The following ABCB5 variants were observed in gnomAD, a reference collection of about 807,000 sequenced individuals.
ABCB5 encodes ATP binding cassette subfamily B member 5, also known as ATP-binding cassette sub-family B member 5.
A neutral mutation model predicts 144.2 loss-of-function variants in ABCB5; 155 were observed. The observed-to-expected ratio is 1.08, with a 90% CI of 0.94 to 1.23. The LOEUF (loss-of-function observed/expected upper bound fraction) is 1.23, where lower values mean the gene tolerates loss of function less well. Among genes scored for constraint, ABCB5 ranks in the 50% most tolerant of loss-of-function variants. ABCB5 has a pLI of 0.00. For synonymous variants in ABCB5, 610 were observed against 528.6 expected (o/e 1.15, Z -2.11); for missense variants, 1,830 against 1,520.8 (o/e 1.20, Z -3.38).
chr7:20,701,872 A>C (rs1486958588), intron 19 of ABCB5, among the ~76,000 whole-genome samples: 1 of 152,238 alleles, frequency 6.6e-6, no homozygotes, highest in East Asian at 1.9e-4. Context: ...GAGAAAAAGA[A>C]GACTAGTATA....
At chr7:20,680,354 C>T (rs530162504) in intron 14 of ABCB5, among the ~76,000 whole-genome samples, 85 of 152,052 alleles carry the variant, frequency 5.6e-4, no homozygotes, top group African/African-American at 1.9e-3. Flanking sequence ...GTCAGGAGAT[C>T]GAGACCATCC....
At chr7:20,728,574 T>TA (rs748062949) in intron 23 of ABCB5, 119 bp downstream of exon 23, 9 of 1,165,384 alleles carry the variant, frequency 7.7e-6, no homozygotes, top group Admixed American at 3.0e-5. Flanking sequence ...ACCAACATAA[T>TA]AAAACCCCAT....
rs76898363 is a variant in ABCB5, at chr7:20,637,465, G to A, written c.314+5352G>A. Among the ~76,000 whole-genome samples the A allele has an allele frequency of 4.7e-5, 7 of 150,122 alleles. No individual in the cohort carries two copies. In the East Asian group the frequency reaches 7.8e-4, roughly 17 times the overall value. ...ATGGAGTTTTTGCTCTTGTTTCCCAGGCTGGAGTGCAATGGCATGATCTTG... is the reference window on the plus strand; with the variant it reads ...ATGGAGTTTTTGCTCTTGTTTCCCAAGCTGGAGTGCAATGGCATGATCTTG... On this transcript the variant is annotated intron_variant, in intron 5 of 27. Coordinates refer to ENST00000404938, the MANE Select transcript of ABCB5 (RefSeq NM_001163941.2).
At chr7:20,664,723 A>G (rs900219125) in intron 14 of ABCB5, among the ~76,000 whole-genome samples, 2 of 128,046 alleles carry the variant, frequency 1.6e-5, no homozygotes, top group Non-Finnish European at 3.3e-5. Context: ...TACTCTTCTT[A>G]CCCACCATTT....
intron 14 of ABCB5, among the ~76,000 whole-genome samples, chr7:20,669,213 C>T (rs1434933571): frequency 1.4e-5 from 2 of 145,148 alleles, no homozygotes; most frequent in African/African-American, 2.6e-5. Context: ...GCCACGACCC[C>T]GTCTGGGAGG....
Position 20,755,508 on chromosome 7 carries a change from G to C in ABCB5, c.3658G>C (p.Ala1220Pro), listed in dbSNP as rs575837361. The C allele has an allele frequency of 1.2e-5, 20 of 1,614,006 alleles. No individual in the cohort carries two copies. The highest frequency in any genetic ancestry group is 8.0e-5 in the African/African-American group (6 of 74,906). ...VTHRLSAIQN[A>P]DLIVVLHNGK... Reference sequence around the variant, plus strand: ...TCACAGGCTCTCTGCAATTCAGAACGCAGATTTGATAGTGGTTCTGCACAA... The same window carrying C: ...TCACAGGCTCTCTGCAATTCAGAACCCAGATTTGATAGTGGTTCTGCACAA... Residue 1220 changes from alanine to proline, a missense_variant, in exon 28 of 28, where the codon GCA (alanine) becomes CCA (proline). Transcript: ENST00000404938.
At chr7:20,731,369 A>AAAAAAAAAAATATATAT (rs57305244) in intron 23 of ABCB5, among the ~76,000 whole-genome samples, 2 of 123,102 alleles carry the variant, frequency 1.6e-5, no homozygotes, top group African/African-American at 6.6e-5. Flanking sequence ...AAAAAAAAAA[A>AAAAAAAAAAATATATAT]ATATATATAT....
intron 20 of ABCB5, among the ~76,000 whole-genome samples, chr7:20,718,959 T>C (rs1299583920): frequency 6.6e-6 from 1 of 152,192 alleles, no homozygotes; most frequent in Non-Finnish European, 1.5e-5. Context: ...ATTACATCTT[T>C]ATTTTTAATA....
At chr7:20,744,114 G>C (rs1266534645) in intron 25 of ABCB5, among the ~76,000 whole-genome samples, 2 of 152,068 alleles carry the variant, frequency 1.3e-5, no homozygotes, top group Non-Finnish European at 2.9e-5. Flanking sequence ...GCCCAGGCTG[G>C]AGTACAGTGG....
chr7:20,615,858 T>C lies in ABCB5; in HGVS notation c.-22+21T>C, dbSNP rs577167485. 3.3e-5 allele frequency: 5 copies of C among 152,388 alleles called. No individual in the cohort carries two copies. In the Middle Eastern group the frequency reaches 0.014, roughly 415 times the overall value. The allele number at this position is 152,388 out of a possible 1,614,324, so 9.4% of individuals were successfully genotyped here. On this transcript the variant is annotated intron_variant, in intron 1 of 27. Coordinates refer to ENST00000404938, the MANE Select transcript of ABCB5 (RefSeq NM_001163941.2). ...TTAAAGTAAGTCAAAGCAAAAGTAT[T>C]AGAGATTATGAAAACAATTGAAGCT... is the stretch of plus-strand genomic sequence containing the variant.
Position 20,685,808 on chromosome 7 carries a change from A to T in ABCB5, c.1982A>T (p.Lys661Met). The T allele has an allele frequency of 6.2e-7, 1 of 1,612,160 alleles. No homozygotes were observed. Among genetic ancestry groups the T allele is most frequent in the South Asian group, 1.1e-5 (1 of 90,308 alleles). The change falls in exon 16 of 28, where the codon AAG becomes ATG. Residue 661 changes from lysine (K) to methionine (M), a missense_variant. By Grantham distance (95) the Lys-to-Met change is moderately conservative. Coordinates refer to ENST00000404938, the MANE Select transcript of ABCB5 (RefSeq NM_001163941.2). ...AGCATCAAGTCAGACTTCATTGACA[A>T]GGCTGAGGAATCCACCCAATCTAAA... ...VKSIKSDFID[K>M]AEESTQSKEI...
At chr7:20,727,746 C>G (rs1782082084) in intron 22 of ABCB5, among the ~76,000 whole-genome samples, 1 of 152,162 alleles carries the variant, frequency 6.6e-6, no homozygotes, top group Non-Finnish European at 1.5e-5. Flanking sequence ...GAGCTCGGCC[C>G]TTTACATTAA....
chr7:20,720,614 C>T (rs565554200), intron 20 of ABCB5, among the ~76,000 whole-genome samples: 12 of 152,092 alleles, frequency 7.9e-5, no homozygotes, highest in African/African-American at 2.4e-4. Context: ...ATATCTGGCT[C>T]GCGATCTTCA....
At position 20,664,889 on chromosome 7, in the gene ABCB5, A is replaced by G. The variant is rs188494081; in HGVS notation, c.1707+6213A>G. 2.0e-3 allele frequency among the ~76,000 whole-genome samples: 311 copies of G among 152,330 alleles called. 2 individuals carry two copies. The highest frequency in any genetic ancestry group is 7.1e-3 in the African/African-American group (294 of 41,574). On this transcript the variant is annotated intron_variant, in intron 14 of 27. Transcript: ENST00000404938. ...AGAATCACGTGAGACCAGGAGCTCA[A>G]TACCAGCTGGGCAACATAGCAAGAC...
intron 26 of ABCB5, among the ~76,000 whole-genome samples, chr7:20,752,852 A>G (rs965910215): frequency 6.6e-6 from 1 of 152,214 alleles, no homozygotes; most frequent in East Asian, 1.9e-4. Flanking sequence ...TCTCAAAAAA[A>G]CAAAAAAGTC....
intron 14 of ABCB5, among the ~76,000 whole-genome samples, chr7:20,661,801 G>A (rs910155873): frequency 6.6e-6 from 1 of 152,018 alleles, no homozygotes; most frequent in Non-Finnish European, 1.5e-5. Flanking sequence ...CCAAAGTGCT[G>A]GGATTACAGG....
At chr7:20,746,429 T>C (rs1439360875) in intron 26 of ABCB5, among the ~76,000 whole-genome samples, 1 of 152,178 alleles carries the variant, frequency 6.6e-6, no homozygotes, top group Non-Finnish European at 1.5e-5. Flanking sequence ...CCCTTTCAAA[T>C]GTTACCTTTG....
At position 20,745,221 on chromosome 7, in the gene ABCB5, G is replaced by C; in HGVS notation, c.3223-11G>C. The C allele has an allele frequency of 6.2e-7, 1 of 1,613,644 alleles. No homozygotes were observed. Among genetic ancestry groups the C allele is most frequent in the East Asian group, 2.2e-5 (1 of 44,878 alleles). ...ATCTTAACACACCATTCTCCAATCT[G>C]CTTTTGGCAGCTGTTTGATGGTGTG... On this transcript the variant is annotated splice_polypyrimidine_tract_variant and intron_variant, in intron 25 of 27. Transcript: ENST00000404938.
chr7:20,619,801 T>C lies in ABCB5; in HGVS notation c.-21-3464T>C, dbSNP rs183111651. ...CTTAAGTTTTCTTCCAGGGTTTTTA[T>C]AGTTTCAGGTTTTACATTTAAATCT... On this transcript the variant is annotated intron_variant, in intron 1 of 27. Coordinates refer to ENST00000404938, the MANE Select transcript of ABCB5 (RefSeq NM_001163941.2). Among the ~76,000 whole-genome samples the C allele has an allele frequency of 3.0e-3, 459 of 152,346 alleles. 11 individuals are homozygous for C. The highest frequency in any genetic ancestry group is 0.028 in the Admixed American group (422 of 15,302).
Sources: gnomAD v4.1 joint callset for allele counts (sites outside exome capture counted in the v4.1 genomes callset) on GRCh38, gnomAD v4.1.1 for gene constraint, MANE v1.5 for transcripts, NCBI Gene and HGNC (gene_info 2026-07-23, HGNC 2026-07-21) for gene names.